The following FHIT variants were observed in gnomAD, a reference collection of about 807,000 sequenced individuals.
FHIT encodes fragile histidine triad diadenosine triphosphatase.
In FHIT, 19 loss-of-function variants were observed where a neutral mutation model predicts 17.9. That is an observed-to-expected ratio of 1.06 (90% CI 0.74 to 1.56). The LOEUF (loss-of-function observed/expected upper bound fraction) is 1.56. Among genes scored for constraint, FHIT ranks in the 40% most tolerant of loss-of-function variants. The pLI is 0.00. For missense variants in FHIT, 248 were observed against 189.2 expected (o/e 1.31, Z -1.82); for synonymous variants, 81 against 69.7 (o/e 1.16, Z -0.81).
intron 4 of FHIT, among the ~76,000 whole-genome samples, chr3:60,653,586 A>T (rs1285673637): frequency 1.3e-5 from 2 of 152,144 alleles, no homozygotes; most frequent in African/African-American, 4.8e-5. Context: ...GAATGTTCAA[A>T]GTATAGGAAT....
chr3:60,599,772 T>C (rs2038384490), intron 4 of FHIT, among the ~76,000 whole-genome samples: 1 of 151,912 alleles, frequency 6.6e-6, no homozygotes, highest in African/African-American at 2.4e-5. Context: ...AATGCTCACC[T>C]ACTGCCTGAG....
intron 8 of FHIT, among the ~76,000 whole-genome samples, chr3:59,796,184 G>A (rs1205689122): frequency 6.6e-6 from 1 of 152,184 alleles, no homozygotes; most frequent in Non-Finnish European, 1.5e-5. Context: ...TGTCTAGCCT[G>A]TGTCCAACAC....
chr3:60,348,407 T>C (rs893511664), intron 5 of FHIT, among the ~76,000 whole-genome samples: 3 of 152,128 alleles, frequency 2.0e-5, no homozygotes, highest in African/African-American at 4.8e-5. Context: ...ACCAAGATCA[T>C]AGAGTTTATA....
In FHIT at chr3:59,855,091, T is replaced by A. The variant is rs528973140; in HGVS notation, c.348+67255A>T. On this transcript the variant is annotated intron_variant, in intron 8 of 9. Coordinates refer to ENST00000492590, the MANE Select transcript of FHIT (RefSeq NM_002012.4). The stretch of plus-strand genomic sequence containing the variant: ...ACTCAGTACTTGGATCTATCATAAC[T>A]GTAACATTAAACAATGTTTTCCCCT... Among the ~76,000 whole-genome samples, 186 of 152,350 alleles carry A rather than the reference T, an allele frequency of 1.2e-3. 3 individuals carry two copies. In the South Asian group the frequency reaches 0.037, roughly 30 times the overall value.
intron 5 of FHIT, among the ~76,000 whole-genome samples, chr3:60,276,360 C>T (rs1190571990): frequency 2.0e-5 from 3 of 152,128 alleles, no homozygotes; most frequent in African/African-American, 4.8e-5. Context: ...GTCTAAAATA[C>T]TCTGCTTATT....
intron 7 of FHIT, among the ~76,000 whole-genome samples, chr3:59,928,115 T>C (rs1281832979): frequency 6.6e-6 from 1 of 152,208 alleles, no homozygotes; most frequent in Non-Finnish European, 1.5e-5. Context: ...GTTGGCCCTG[T>C]GTGAATCCTT....
intron 8 of FHIT, among the ~76,000 whole-genome samples, chr3:59,829,658 TACTCTG>T (rs1285526352): frequency 3.3e-5 from 5 of 152,194 alleles, no homozygotes; most frequent in Admixed American, 1.3e-4. Context: ...TAAGTGAGCA[TACTCTG>T]ACCAGTTCTG....
At chr3:61,246,008 A>C (rs1209101508) in intron 1 of FHIT, among the ~76,000 whole-genome samples, 1 of 152,166 alleles carries the variant, frequency 6.6e-6, no homozygotes, top group African/African-American at 2.4e-5. Context: ...GCAGTAGAGA[A>C]GTTGGCTAAA....
At chr3:60,120,377 TA>T (rs1705193027) in intron 5 of FHIT, among the ~76,000 whole-genome samples, 1 of 152,224 alleles carries the variant, frequency 6.6e-6, no homozygotes, top group Non-Finnish European at 1.5e-5. Flanking sequence ...ATATTATAAA[TA>T]AAACTTCACT....
intron 5 of FHIT, among the ~76,000 whole-genome samples, chr3:60,320,107 T>C (rs905157363): frequency 2.0e-5 from 3 of 152,162 alleles, no homozygotes; most frequent in Non-Finnish European, 4.4e-5. Flanking sequence ...CATTTTAAGT[T>C]ACACCATTTA....
At chr3:60,128,267 C>T (rs1705648833) in intron 5 of FHIT, among the ~76,000 whole-genome samples, 1 of 152,150 alleles carries the variant, frequency 6.6e-6, no homozygotes, top group African/African-American at 2.4e-5. Context: ...TGGGAGGTAA[C>T]TGAATCATGG....
At chr3:61,025,805 G>C (rs537433289) in intron 3 of FHIT, among the ~76,000 whole-genome samples, 1 of 152,172 alleles carries the variant, frequency 6.6e-6, no homozygotes, top group Non-Finnish European at 1.5e-5. Flanking sequence ...GTGATTCTAC[G>C]TAGCTTTTGT....
intron 4 of FHIT, among the ~76,000 whole-genome samples, chr3:60,693,962 C>T (rs903346520): frequency 1.3e-5 from 2 of 152,204 alleles, no homozygotes; most frequent in African/African-American, 4.8e-5. Context: ...CCATTGCAAA[C>T]ATCAAACTGG....
At chr3:60,753,647 A>G (rs571139695) in intron 4 of FHIT, among the ~76,000 whole-genome samples, 1 of 152,302 alleles carries the variant, frequency 6.6e-6, no homozygotes, top group African/African-American at 2.4e-5. Flanking sequence ...CAGTGCTTTA[A>G]GTTTTCTCAT....
At chr3:60,363,203 C>A (rs540698721) in intron 5 of FHIT, among the ~76,000 whole-genome samples, 18 of 152,094 alleles carry the variant, frequency 1.2e-4, no homozygotes, top group African/African-American at 4.3e-4. Context: ...GTCGGCAACC[C>A]CACATCAGTC....
chr3:60,392,134 C>T (rs922344208), intron 5 of FHIT, among the ~76,000 whole-genome samples: 5 of 152,116 alleles, frequency 3.3e-5, no homozygotes, highest in Admixed American at 2.6e-4. Flanking sequence ...TAAATTCATA[C>T]TAACTTGTTG....
In FHIT at chr3:60,429,744, T is replaced by C. The variant is rs527529292; in HGVS notation, c.103+107116A>G. 2.6e-5 allele frequency among the ~76,000 whole-genome samples: 4 copies of C among 152,228 alleles called. No individual in the cohort carries two copies. The South Asian group carries it at 8.3e-4, about 32-fold the overall frequency. ...TACTAGTTGTTGAGAACCCTACATG[T>C]AATTTTATGTATAATAGTTGACTTT... On this transcript the variant is annotated intron_variant, in intron 5 of 9. Transcript: ENST00000492590.
chr3:60,647,762 GAT>G (rs1485139240), intron 4 of FHIT, among the ~76,000 whole-genome samples: 5 of 152,060 alleles, frequency 3.3e-5, no homozygotes, highest in Admixed American at 6.5e-5. Context: ...AAAATAACTT[GAT>G]ATGTTTTACA....
At chr3:60,945,605 G>T (rs562420103) in intron 3 of FHIT, among the ~76,000 whole-genome samples, 1 of 152,140 alleles carries the variant, frequency 6.6e-6, no homozygotes, top group Non-Finnish European at 1.5e-5. Flanking sequence ...TGTTGGCCAA[G>T]CTGGTCTCAA....
Sources: allele counts gnomAD v4.1 joint callset (sites outside exome capture counted in the v4.1 genomes callset), GRCh38; gene constraint gnomAD v4.1.1; transcripts MANE v1.5; gene names NCBI Gene and HGNC (gene_info 2026-07-23, HGNC 2026-07-21).